The following ROBO1 variants were observed in gnomAD, a reference collection of about 807,000 sequenced individuals.
The protein encoded by ROBO1 is roundabout homolog 1.
In ROBO1, 149 loss-of-function variants were observed where a neutral mutation model predicts 195.9. That is an observed-to-expected ratio of 0.76 (90% CI 0.67 to 0.87). The LOEUF (loss-of-function observed/expected upper bound fraction) is 0.87, where lower values mean the gene tolerates loss of function less well. ROBO1 is among the 40% of genes least tolerant of loss of function. ROBO1 has a pLI of 0.00. For missense variants in ROBO1, 1,933 were observed against 2,068.3 expected, an observed-to-expected ratio of 0.93 and a Z score of 1.27; for synonymous variants, 816 against 733.2, an observed-to-expected ratio of 1.11 and a Z score of -1.82.
chr3:78,710,870 G>A (rs1408583019), intron 8 of ROBO1, among the ~76,000 whole-genome samples: 1 of 152,082 alleles, frequency 6.6e-6, no homozygotes, highest in Non-Finnish European at 1.5e-5. Flanking sequence ...GAAGTTGCTC[G>A]TTTAAAAATA....
intron 3 of ROBO1, among the ~76,000 whole-genome samples, chr3:79,032,293 T>C (rs1307026810): frequency 6.6e-6 from 1 of 152,092 alleles, no homozygotes; most frequent in Non-Finnish European, 1.5e-5. Context: ...CATTGTTCTT[T>C]AAATTAGATT....
At chr3:79,513,309 C>T (rs1022181576) in intron 2 of ROBO1, among the ~76,000 whole-genome samples, 1 of 151,724 alleles carries the variant, frequency 6.6e-6, no homozygotes, top group Non-Finnish European at 1.5e-5. Context: ...TGTAATAATA[C>T]ATCTATATAT....
chr3:79,158,891 G>T (rs768140893), intron 2 of ROBO1, among the ~76,000 whole-genome samples: 5 of 151,754 alleles, frequency 3.3e-5, no homozygotes, highest in African/African-American at 4.8e-5. Flanking sequence ...ACAGAAAGTA[G>T]TCTCCACATT....
intron 1 of ROBO1, among the ~76,000 whole-genome samples, chr3:79,759,587 G>A (rs1466121621): frequency 4.6e-5 from 7 of 152,186 alleles, no homozygotes; most frequent in Non-Finnish European, 2.9e-5. Context: ...CATAGCTAAG[G>A]ACTCATTGAA....
chr3:78,710,620 A>G (rs2081660772), intron 8 of ROBO1, among the ~76,000 whole-genome samples: 1 of 152,192 alleles, frequency 6.6e-6, no homozygotes, highest in Admixed American at 6.5e-5. Context: ...TGTCCATTTT[A>G]CATATGGGTC....
chr3:79,391,832 C>T (rs765170700), intron 2 of ROBO1, among the ~76,000 whole-genome samples: 76 of 152,014 alleles, frequency 5.0e-4, no homozygotes, highest in Non-Finnish European at 8.8e-4. Context: ...GGTGCTTCAG[C>T]CTTGGTTCAA....
At chr3:79,606,797 A>G (rs1233331010) in intron 1 of ROBO1, among the ~76,000 whole-genome samples, 5 of 151,954 alleles carry the variant, frequency 3.3e-5, no homozygotes, top group African/African-American at 1.2e-4. Flanking sequence ...GGTCTAAAAC[A>G]TTTACAAATC....
chr3:78,809,817 A>C (rs1460555980), intron 4 of ROBO1, among the ~76,000 whole-genome samples: 1 of 152,112 alleles, frequency 6.6e-6, no homozygotes, highest in Non-Finnish European at 1.5e-5. Flanking sequence ...AGGGAGGGGA[A>C]CATCACACAC....
rs11293842 is a variant in ROBO1 at position 79,522,330 on chromosome 3, C to CTT, written c.88+67492_88+67493dup. On this transcript the variant is annotated intron_variant, in intron 2 of 30. Transcript: ENST00000464233. ...ACCACTGTCTTTCCCAAGACTGTTA[C>CTT]TTTTTTTTTTTTTTTTGGAATGTGC... 6.7e-5 allele frequency among the ~76,000 whole-genome samples: 9 copies of CTT among 134,808 alleles called. No individual in the cohort carries two copies. In the South Asian group the frequency reaches 1.4e-3, roughly 21 times the overall value. 88.4% of individuals were successfully genotyped at this position (134,808 alleles called of 152,430 possible).
intron 4 of ROBO1, among the ~76,000 whole-genome samples, chr3:78,823,659 A>C (rs2031270798): frequency 6.6e-6 from 1 of 152,124 alleles, no homozygotes; most frequent in African/African-American, 2.4e-5. Flanking sequence ...TGGTCTTTGA[A>C]CATACATTGC....
intron 3 of ROBO1, chr3:79,018,535 A>G: frequency 6.3e-7 from 1 of 1,596,996 alleles, no homozygotes; most frequent in Non-Finnish European, 8.5e-7. Context: ...AAATGTATGA[A>G]GCCACACACC....
At chr3:78,756,354 G>T (rs2082931737) in intron 4 of ROBO1, among the ~76,000 whole-genome samples, 1 of 152,012 alleles carries the variant, frequency 6.6e-6, no homozygotes, top group African/African-American at 2.4e-5. Flanking sequence ...TAAAGGATAT[G>T]ATAAATCAAT....
intron 1 of ROBO1, among the ~76,000 whole-genome samples, chr3:79,706,753 T>C (rs1409246024): frequency 6.6e-6 from 1 of 152,122 alleles, no homozygotes; most frequent in Non-Finnish European, 1.5e-5. Flanking sequence ...ACCATGATTG[T>C]GAGGCGTCCC....
intron 2 of ROBO1, among the ~76,000 whole-genome samples, chr3:79,586,427 C>T (rs936340663): frequency 6.6e-6 from 1 of 151,804 alleles, no homozygotes; most frequent in Non-Finnish European, 1.5e-5. Context: ...ACACTCCAGG[C>T]TTGTTGACAT....
At chr3:79,346,780 T>G (rs1023401072) in intron 2 of ROBO1, among the ~76,000 whole-genome samples, 1 of 151,932 alleles carries the variant, frequency 6.6e-6, no homozygotes, top group Non-Finnish European at 1.5e-5. Context: ...ACGTCATTTT[T>G]AAAACTGATC....
intron 4 of ROBO1, among the ~76,000 whole-genome samples, chr3:78,813,571 T>C (rs971246596): frequency 5.3e-5 from 8 of 152,120 alleles, no homozygotes; most frequent in African/African-American, 1.9e-4. Flanking sequence ...AATCGTTCTG[T>C]TTAACCAAAA....
intron 1 of ROBO1, among the ~76,000 whole-genome samples, chr3:79,692,048 T>C (rs1319214460): frequency 6.6e-6 from 1 of 151,828 alleles, no homozygotes; most frequent in Non-Finnish European, 1.5e-5. Flanking sequence ...GAGAAAACCT[T>C]CTGGTAGACA....
At chr3:78,884,825 G>A (rs936653342) in intron 4 of ROBO1, among the ~76,000 whole-genome samples, 6 of 150,162 alleles carry the variant, frequency 4.0e-5, no homozygotes, top group Non-Finnish European at 8.9e-5. Context: ...ATAACATAAG[G>A]AAAAAGAAGA....
intron 1 of ROBO1, among the ~76,000 whole-genome samples, chr3:79,608,460 G>T (rs909950882): frequency 1.3e-5 from 2 of 151,946 alleles, no homozygotes; most frequent in African/African-American, 2.4e-5. Context: ...AAAACACACT[G>T]CTTCATAATT....
Sources: allele counts gnomAD v4.1 joint callset (sites outside exome capture counted in the v4.1 genomes callset), GRCh38; gene constraint gnomAD v4.1.1; transcripts MANE v1.5; gene names NCBI Gene and HGNC (gene_info 2026-07-23, HGNC 2026-07-21).